Variants in NCAPH2 observed in about 807,000 individuals in gnomAD.
NCAPH2 encodes the protein condensin-2 complex subunit H2.
A neutral mutation model predicts 88.6 loss-of-function variants in NCAPH2; 56 were observed. The observed-to-expected ratio is 0.63, with a 90% CI of 0.51 to 0.79. The LOEUF is 0.79. NCAPH2 is among the 30% of genes least tolerant of loss of function. NCAPH2 has a pLI of 0.00. For synonymous variants in NCAPH2, 378 were observed against 313.6 expected (o/e 1.21, Z -2.17); for missense variants, 794 against 792.0 (o/e 1.00, Z -0.03).
chr22:50,519,383 C>T (rs759819603), intron 9 of NCAPH2, 63 bp downstream of exon 9: 7 of 1,595,580 alleles, frequency 4.4e-6, no homozygotes, highest in South Asian at 1.1e-5. Flanking sequence ...GCTCTGGGGC[C>T]GAGTCACCTT....
chr22:50,521,675 G>C (rs2069102413), intron 11 of NCAPH2, 66 bp downstream of exon 11: 4 of 1,611,002 alleles, frequency 2.5e-6, no homozygotes, highest in African/African-American at 2.7e-5. Flanking sequence ...ATGAGGTGGG[G>C]GGGTGGGAGT....
Position 50,513,930 on chromosome 22 carries a change from G to A in NCAPH2, c.109-2517G>A, listed in dbSNP as rs936675267. 2.6e-5 allele frequency among the ~76,000 whole-genome samples: 4 copies of A among 152,166 alleles called. No individual in the cohort carries two copies. The South Asian group carries it at 8.3e-4, about 31-fold the overall frequency. On this transcript the variant is annotated intron_variant, in intron 1 of 19. Transcript: ENST00000420993. ...TAAAGAATGTTTAGCTCCAGGTGGA[G>A]GAAACCTGGTGTTGGAAGGATTGGA... is the stretch of plus-strand genomic sequence containing the variant.
In NCAPH2 at chr22:50,517,646, G is replaced by T. The variant is rs1195134817; in HGVS notation, c.336G>T (p.Gln112His). The T allele has an allele frequency of 6.2e-7, 1 of 1,614,040 alleles. No individual in the cohort carries two copies. Among genetic ancestry groups the T allele is most frequent in the Non-Finnish European group, 8.5e-7 (1 of 1,180,044 alleles). Residue 112 changes from glutamine (Q) to histidine (H), a missense_variant, in exon 4 of 20, where the codon CAG becomes CAT. By Grantham distance (24) the Gln-to-His change is conservative (BLOSUM62 0). Transcript: ENST00000420993. ...ANGVASSGVP[Q>H]EAENEFLSLD... ...GGGTTGCCAGCTCCGGGGTCCCCCA[G>T]GAGGCAGAGAATGAGGTGAGTTTCT...
rs756618804 is a variant in NCAPH2, at chr22:50,517,424, C to T, written c.211-3C>T. Reference sequence around the variant, plus strand: ...GTCCTCACTGCCTGCATCTGGTCACCAGGTGGAATACCTCTACTCACTCGT... The same window carrying T: ...GTCCTCACTGCCTGCATCTGGTCACTAGGTGGAATACCTCTACTCACTCGT... On this transcript the variant is annotated splice_region_variant and splice_polypyrimidine_tract_variant and intron_variant, in intron 2 of 19. Coordinates refer to ENST00000420993, the MANE Select transcript of NCAPH2 (RefSeq NM_152299.4). 18 of 1,614,034 alleles carry T rather than the reference C, an allele frequency of 1.1e-5. No homozygotes were observed. The South Asian group carries it at 1.8e-4, about 16-fold the overall frequency.
chr22:50,510,261 G>A (rs1253468160), intron 1 of NCAPH2, among the ~76,000 whole-genome samples: 5 of 151,736 alleles, frequency 3.3e-5, no homozygotes, highest in Non-Finnish European at 7.4e-5. Context: ...CATATGGCAA[G>A]GAAAAGGAGA....
Position 50,517,655 on chromosome 22 carries a change from G to T in NCAPH2, c.345G>T (p.Glu115Asp). 1 of 1,614,170 alleles carries T rather than the reference G, an allele frequency of 6.2e-7. No individual in the cohort carries two copies. Among genetic ancestry groups the T allele is most frequent in the Middle Eastern group, 1.6e-4 (1 of 6,062 alleles). The stretch of plus-strand genomic sequence containing the variant: ...GCTCCGGGGTCCCCCAGGAGGCAGA[G>T]AATGAGGTGAGTTTCTTTGGCATGT... The part of the protein sequence containing the change: ...VASSGVPQEA[E>D]NEFLSLDDFP... The change falls in exon 4 of 20, where the codon GAG becomes GAT. Residue 115 changes from glutamate to aspartate, a missense_variant. Glu to Asp is a conservative substitution (Grantham distance 45, BLOSUM62 2). Coordinates refer to ENST00000420993, the MANE Select transcript of NCAPH2 (RefSeq NM_152299.4).
intron 1 of NCAPH2, among the ~76,000 whole-genome samples, chr22:50,513,954 G>A (rs766785162): frequency 2.4e-4 from 36 of 152,046 alleles, no homozygotes; most frequent in Non-Finnish European, 4.1e-4. Context: ...GGAAGGATTG[G>A]AGTTTTTACA....
intron 1 of NCAPH2, among the ~76,000 whole-genome samples, chr22:50,515,482 C>T (rs1214772145): frequency 3.0e-4 from 45 of 148,298 alleles, no homozygotes; most frequent in African/African-American, 6.2e-4. Flanking sequence ...CTGCAAGCTC[C>T]GCCTCCCAGG....
rs1004360214 is a variant in NCAPH2 at position 50,521,072 on chromosome 22, G to C, written c.933+36G>C. 19 of 1,545,772 alleles carry C rather than the reference G, an allele frequency of 1.2e-5. No homozygotes were observed. The Admixed American group carries it at 2.2e-4, about 18-fold the overall frequency. ...TGGGGCCCTGACCCCCGGCAGGGAG[G>C]GATGGGCGGATTCGAGGACTGGCTG... is the stretch of plus-strand genomic sequence containing the variant. On this transcript the variant is annotated intron_variant, in intron 10 of 19. Transcript: ENST00000420993.
rs6010134 is a variant in NCAPH2, at chr22:50,515,803, A to G, written c.109-644A>G. On this transcript the variant is annotated intron_variant, in intron 1 of 19. Coordinates refer to ENST00000420993, the MANE Select transcript of NCAPH2 (RefSeq NM_152299.4). Reference sequence around the variant, plus strand: ...AAGTATGGAAGTAAAGTGTTTGGGGACATTTGAATGTACTCTGTGGACAGC... The same window carrying G: ...AAGTATGGAAGTAAAGTGTTTGGGGGCATTTGAATGTACTCTGTGGACAGC... 2.0e-3 allele frequency: 2,586 copies of G among 1,295,232 alleles called. 56 individuals are homozygous for G. The African/African-American group carries it at 0.037, about 18-fold the overall frequency. 80.2% of individuals were successfully genotyped at this position (1,295,232 alleles called of 1,614,324 possible).
In NCAPH2 at chr22:50,524,429, A is replaced by C; in HGVS notation, c.*1054A>C. On this transcript the variant is annotated 3_prime_UTR_variant, in exon 20 of 20. Transcript: ENST00000420993. Reference sequence around the variant, plus strand: ...AGCAGCATGGATCTGATGCTCCTGGAAACAAGCACAGGCGTCAGGAGCCAG... The same window carrying C: ...AGCAGCATGGATCTGATGCTCCTGGCAACAAGCACAGGCGTCAGGAGCCAG... The C allele has an allele frequency of 6.2e-7, 1 of 1,609,890 alleles. No homozygotes were observed. The highest frequency in any genetic ancestry group is 8.5e-7 in the Non-Finnish European group (1 of 1,179,544).
chr22:50,513,482 G>A (rs781123308), intron 1 of NCAPH2, among the ~76,000 whole-genome samples: 1 of 152,262 alleles, frequency 6.6e-6, no homozygotes, highest in Non-Finnish European at 1.5e-5. Flanking sequence ...ACTTAGGGAG[G>A]CCGAGGTGGC....
At position 50,516,476 on chromosome 22, in the gene NCAPH2, A is replaced by C. The variant is rs1235992072; in HGVS notation, c.138A>C (p.Glu46Asp). ...ATCAGATCTGCATTTCTTTTGACGA[A>C]GGCAAGACCACAATGAACTTCATTG... ...ELDQICISFD[E>D]GKTTMNFIEA... Residue 46 changes from glutamate (E) to aspartate (D), a missense_variant, in exon 2 of 20, where the codon GAA becomes GAC. Transcript: ENST00000420993. 1.2e-6 allele frequency: 2 copies of C among 1,614,104 alleles called. No individual in the cohort carries two copies. The highest frequency in any genetic ancestry group is 4.5e-5 in the East Asian group (2 of 44,896).
In NCAPH2 at chr22:50,517,425, A is replaced by C. The variant is rs778070413; in HGVS notation, c.211-2A>C. ...TCCTCACTGCCTGCATCTGGTCACC[A>C]GGTGGAATACCTCTACTCACTCGTC... On this transcript the variant is annotated splice_acceptor_variant, in intron 2 of 19. Transcript: ENST00000420993. LOFTEE classifies it high-confidence loss of function. 2.5e-6 allele frequency: 4 copies of C among 1,614,020 alleles called. No homozygotes were observed. Among genetic ancestry groups the C allele is most frequent in the Non-Finnish European group, 3.4e-6 (4 of 1,180,002 alleles).
chr22:50,519,468 C>T (rs1273337064), intron 9 of NCAPH2, 148 bp downstream of exon 9: 9 of 1,444,678 alleles, frequency 6.2e-6, no homozygotes, highest in East Asian at 2.5e-5. Context: ...TCTTGCAGCC[C>T]GTCCTGCAAC....
chr22:50,518,469 G>A (rs1398747322), intron 7 of NCAPH2, among the ~76,000 whole-genome samples, 180 bp from the exon 8 acceptor site: 2 of 152,084 alleles, frequency 1.3e-5, no homozygotes, highest in Admixed American at 6.5e-5. Flanking sequence ...AGTTAACATG[G>A]TCTCAGTGCC....
At position 50,521,774 on chromosome 22, in the gene NCAPH2, A is replaced by T. The variant is rs138786473; in HGVS notation, c.1034A>T (p.Glu345Val). The stretch of plus-strand genomic sequence containing the variant: ...TACTCTGTGCCCCCCTGTGTGGAGG[A>T]GGCTCTGGGACAGAAGCGCAAGAGG... Reference protein sequence around the residue: ...RPYSVPPCVEEALGQKRKRKG... With the variant: ...RPYSVPPCVEVALGQKRKRKG... Residue 345 changes from glutamate (E) to valine (V), a missense_variant, in exon 12 of 20, where the codon GAG (glutamate) becomes GTG (valine). Transcript: ENST00000420993. The T allele has an allele frequency of 6.2e-7, 1 of 1,613,734 alleles. No individual in the cohort carries two copies. Among genetic ancestry groups the T allele is most frequent in the Non-Finnish European group, 8.5e-7 (1 of 1,180,026 alleles).
chr22:50,523,113 G>C lies in NCAPH2; in HGVS notation c.1624G>C (p.Ala542Pro). ...NEWCPFAELV[A>P]GQPAFEVCRS... is the part of the protein sequence containing the mutation. ...GTGGTGTCCCTTTGCGGAGCTGGTG[G>C]CTGGCCAGCCGGCCTTCGAGGTGTG... is the stretch of plus-strand genomic sequence containing the variant. The change falls in exon 19 of 20, where the codon GCT (alanine) becomes CCT (proline). Residue 542 changes from alanine (A) to proline (P), a missense_variant. Physicochemically the swap from Ala to Pro is conservative, Grantham distance 27. Transcript: ENST00000420993. The C allele has an allele frequency of 6.2e-7, 1 of 1,613,490 alleles. No individual in the cohort carries two copies. The highest frequency in any genetic ancestry group is 8.5e-7 in the Non-Finnish European group (1 of 1,179,788).
Position 50,517,597 on chromosome 22 carries a change from C to T in NCAPH2, c.287C>T (p.Ser96Leu), listed in dbSNP as rs199689462. Residue 96 changes from serine to leucine, a missense_variant, in exon 4 of 20, where the codon TCG (serine) becomes TTG (leucine). By Grantham distance (145) the Ser-to-Leu change is moderately radical (BLOSUM62 -2). Around this residue, in one of 2 missense-constraint regions of NCAPH2, gnomAD observed 735 missense variants for 696.3 expected, o/e 1.06. Coordinates refer to ENST00000420993, the MANE Select transcript of NCAPH2 (RefSeq NM_152299.4). ...CTCAGGCGGGCCAAGCAGCTCTCTTCGGTGCAGGAGGACAGGGCCAATGGG... is the reference window on the plus strand; with the variant it reads ...CTCAGGCGGGCCAAGCAGCTCTCTTTGGTGCAGGAGGACAGGGCCAATGGG... ...SGKRRAKQLS[S>L]VQEDRANGVA... The T allele has an allele frequency of 2.1e-5, 34 of 1,614,110 alleles. No individual in the cohort carries two copies. Among genetic ancestry groups the T allele is most frequent in the African/African-American group, 6.7e-5 (5 of 75,064 alleles).
Sources: gnomAD v4.1 joint callset for allele counts (sites outside exome capture counted in the v4.1 genomes callset) on GRCh38, gnomAD v4.1.1 for gene constraint, gnomAD v4.1.1 regional missense constraint, MANE v1.5 for transcripts, NCBI Gene and HGNC (gene_info 2026-07-23, HGNC 2026-07-21) for gene names.